SCAF8: variants seen among roughly 807,000 people sequenced by gnomAD.
SCAF8 encodes the protein SR-related CTD associated factor 8.
SCAF8 carries 23 observed loss-of-function variants against 140.5 expected under a neutral mutation model. That is an observed-to-expected ratio of 0.16 (90% CI 0.12 to 0.23). The LOEUF is 0.23. SCAF8 is among the 10% of genes least tolerant of loss of function. The probability of loss-of-function intolerance (pLI) is 1.00; values close to 1 mark genes in which losing one functional copy is unlikely to be tolerated. For synonymous variants in SCAF8, 575 were observed against 528.9 expected (o/e 1.09, Z -1.20); for missense variants, 1,397 against 1,555.7 (o/e 0.90, Z 1.72).
intron 1 of SCAF8, among the ~76,000 whole-genome samples, chr6:154,736,745 C>G (rs560244085): frequency 7.9e-5 from 12 of 151,548 alleles, no homozygotes; most frequent in African/African-American, 2.9e-4. Context: ...CACCTGTTTT[C>G]TCATTTTACA....
At position 154,815,874 on chromosome 6, in the gene SCAF8, A is replaced by G. The variant is rs189447280; in HGVS notation, c.1521+58A>G. The G allele has an allele frequency of 4.4e-5, 43 of 981,504 alleles. 1 individual carries two copies. Among genetic ancestry groups the G allele is most frequent in the Admixed American group, 3.9e-4 (21 of 54,188 alleles). The allele number at this position is 981,504 out of a possible 1,614,324, so 60.8% of individuals were successfully genotyped here. ...AAAAAAGGAGGTTTTTATTAATACA[A>G]AGAATCACTTCTGTTCCTAATTAGC... On this transcript the variant is annotated intron_variant, in intron 13 of 19. Transcript: ENST00000367178.
At chr6:154,738,739 A>C (rs1476896824) in intron 1 of SCAF8, among the ~76,000 whole-genome samples, 2 of 152,228 alleles carry the variant, frequency 1.3e-5, no homozygotes, top group African/African-American at 4.8e-5. Flanking sequence ...AAAGGGTCGC[A>C]GATTGAACTG....
At chr6:154,806,373 A>G (rs913729301) in intron 9 of SCAF8, among the ~76,000 whole-genome samples, 2 of 152,196 alleles carry the variant, frequency 1.3e-5, no homozygotes, top group African/African-American at 2.4e-5. Flanking sequence ...CCTCCCCAGC[A>G]TACATCCTAA....
Position 154,832,785 on chromosome 6 carries a change from A to G in SCAF8, c.3206A>G (p.Glu1069Gly). The G allele has an allele frequency of 6.2e-7, 1 of 1,613,906 alleles. No homozygotes were observed. Among genetic ancestry groups the G allele is most frequent in the Non-Finnish European group, 8.5e-7 (1 of 1,179,980 alleles). Reference sequence around the variant, plus strand: ...GGAAGACCTCCTGTAGATATAAGAGAGAATCTTGTGAGGCCAGGTATAGAT... The same window carrying G: ...GGAAGACCTCCTGTAGATATAAGAGGGAATCTTGTGAGGCCAGGTATAGAT... ...HFGRPPVDIR[E>G]NLVRPGIDHL... The change falls in exon 20 of 20, where the codon GAG becomes GGG. Residue 1069 changes from glutamate (E) to glycine (G), a missense_variant. Physicochemically the swap from Glu to Gly is moderately conservative, Grantham distance 98. Coordinates refer to ENST00000367178, the MANE Select transcript of SCAF8 (RefSeq NM_014892.5).
At chr6:154,792,800 G>T in intron 4 of SCAF8, 23 bp from the exon 5 acceptor site, 1 of 1,552,046 alleles carries the variant, frequency 6.4e-7, no homozygotes, top group Non-Finnish European at 8.7e-7. Flanking sequence ...AAACCAAAAT[G>T]TCATGTTTCT....
intron 3 of SCAF8, among the ~76,000 whole-genome samples, chr6:154,784,193 C>T (rs909825481): frequency 1.4e-5 from 2 of 139,240 alleles, no homozygotes; most frequent in South Asian, 2.2e-4. Flanking sequence ...GTGCAGTATT[C>T]TGTAACTGGA....
At chr6:154,822,147 C>A in intron 15 of SCAF8, 129 bp from the exon 16 acceptor site, 1 of 893,984 alleles carries the variant, frequency 1.1e-6, no homozygotes, top group South Asian at 2.4e-5. Context: ...GTGGCACCTA[C>A]GGTTGTGGAT....
intron 11 of SCAF8, among the ~76,000 whole-genome samples, chr6:154,809,384 A>G (rs987445093): frequency 3.3e-5 from 5 of 152,046 alleles, no homozygotes; most frequent in African/African-American, 9.7e-5. Flanking sequence ...TCTTGTCACA[A>G]AGTTCTTTAT....
At chr6:154,805,294 T>C (rs1777881179) in intron 8 of SCAF8, 75 bp from the exon 9 acceptor site, 1 of 830,956 alleles carries the variant, frequency 1.2e-6, no homozygotes, top group Non-Finnish European at 1.9e-6. Flanking sequence ...TTTTTTGTTT[T>C]CTTTGAATAC....
chr6:154,752,786 G>T (rs1416613651), intron 1 of SCAF8, among the ~76,000 whole-genome samples: 1 of 152,162 alleles, frequency 6.6e-6, no homozygotes, highest in Non-Finnish European at 1.5e-5. Context: ...CAGTGGTGCA[G>T]TCATGTCTTG....
intron 17 of SCAF8, chr6:154,824,947 A>G (rs1778522056): frequency 6.6e-6 from 1 of 150,376 alleles, no homozygotes; most frequent in African/African-American, 2.5e-5. Flanking sequence ...TTTGTCTCAA[A>G]AAGAAAAAAA....
intron 1 of SCAF8, among the ~76,000 whole-genome samples, chr6:154,764,277 CT>C (rs61472336): frequency 5.4e-4 from 76 of 141,734 alleles, no homozygotes; most frequent in Admixed American, 4.9e-4. Context: ...ATTTTCTTTC[CT>C]TTTTTTTTTT....
At chr6:154,811,358 CTTAAT>C (rs1395271638) in intron 12 of SCAF8, among the ~76,000 whole-genome samples, 1 of 150,430 alleles carries the variant, frequency 6.6e-6, no homozygotes, top group East Asian at 1.9e-4. Flanking sequence ...TAATTTCTCA[CTTAAT>C]TTGTCATGTT....
At chr6:154,831,687 C>A (rs1353473353) in intron 19 of SCAF8, among the ~76,000 whole-genome samples, 1 of 113,080 alleles carries the variant, frequency 8.8e-6, no homozygotes, top group Non-Finnish European at 1.7e-5. Flanking sequence ...GCCTTTTAAA[C>A]CTCCACTCCT....
intron 3 of SCAF8, among the ~76,000 whole-genome samples, chr6:154,783,911 AC>A (rs145928000): frequency 0.023 from 3,440 of 151,910 alleles, 68 homozygotes; most frequent in Middle Eastern, 0.058. Flanking sequence ...CTCTACTAAT[AC>A]AAAAATTAGG....
intron 16 of SCAF8, 23 bp downstream of exon 16, chr6:154,822,432 T>G (rs370975751): frequency 2.5e-5 from 40 of 1,575,882 alleles, no homozygotes; most frequent in Non-Finnish European, 3.3e-5. Context: ...GTGGGGTTTT[T>G]TTTTTCTTGT....
chr6:154,737,171 A>T (rs2114784878), intron 1 of SCAF8, among the ~76,000 whole-genome samples: 1 of 152,296 alleles, frequency 6.6e-6, no homozygotes, highest in East Asian at 1.9e-4. Context: ...TAGTTGCAGG[A>T]TTAGGAGAAA....
intron 1 of SCAF8, among the ~76,000 whole-genome samples, chr6:154,740,908 C>T (rs900522946): frequency 6.6e-6 from 1 of 152,102 alleles, no homozygotes; most frequent in African/African-American, 2.4e-5. Flanking sequence ...CATGTGCCAC[C>T]GTGCCTGGCC....
chr6:154,808,942 GAT>G, intron 11 of SCAF8, 144 bp downstream of exon 11: 1 of 612,838 alleles, frequency 1.6e-6, no homozygotes, highest in Non-Finnish European at 2.9e-6. Flanking sequence ...CCAAAAACAA[GAT>G]AACCTTTGTT....
Sources: gnomAD v4.1 joint callset for allele counts (sites outside exome capture counted in the v4.1 genomes callset) on GRCh38, gnomAD v4.1.1 for gene constraint, MANE v1.5 for transcripts, NCBI Gene and HGNC (gene_info 2026-07-23, HGNC 2026-07-21) for gene names.